MYO15B: variants seen among roughly 807,000 people sequenced by gnomAD.
MYO15B encodes the protein myosin XVB pseudogene.
Under a neutral mutation model 119.3 loss-of-function variants are expected in MYO15B, and 207 were observed. The ratio of observed to expected loss-of-function variants is 1.73; its 90% CI spans 1.55 to 1.95. The LOEUF is 1.95. MYO15B is among the 30% of genes most tolerant of loss of function. The pLI is 0.00. For missense variants in MYO15B, 2,264 were observed against 1,203.1 expected, an observed-to-expected ratio of 1.88 and a Z score of -13.04; for synonymous variants, 966 against 498.9, an observed-to-expected ratio of 1.94 and a Z score of -12.48.
rs371730501 is a variant in MYO15B, at chr17:75,591,471, ATCTT to A, written c.2436-127_2436-124del. ...TCGGGTCTCTCCATGCCCTGGGACT[ATCTT>A]TCCACATTTATGGGGGTCTCTCCAG... On this transcript the variant is annotated intron_variant, in intron 4 of 63. Transcript: ENST00000645453. The A allele has an allele frequency of 1.1e-3, 720 of 646,484 alleles. 12 individuals are homozygous for A. The East Asian group carries it at 0.015, about 13-fold the overall frequency. The allele number at this position is 646,484 out of a possible 1,614,324, so 40.0% of individuals were successfully genotyped here.
exon 40 of MYO15B, chr17:75,616,940 C>G: frequency 2.8e-6 from 2 of 702,940 alleles, no homozygotes; most frequent in Middle Eastern, 2.3e-4. Flanking sequence ...TGGGTATCAA[C>G]GGTGCCCACT....
intron 9 of MYO15B, 80 bp downstream of exon 9, chr17:75,592,920 G>C (rs1233409281): frequency 4.6e-6 from 3 of 653,148 alleles, no homozygotes; most frequent in Non-Finnish European, 8.4e-6. Context: ...CCAAATGCTG[G>C]TGTGTAGGAG....
At chr17:75,614,504 C>T in intron 30 of MYO15B, 79 bp from the exon 31 acceptor site, 1 of 679,020 alleles carries the variant, frequency 1.5e-6, no homozygotes. Flanking sequence ...GTGACCCCCG[C>T]AGCAGCTTCT....
At chr17:75,595,090 C>T (rs1461402130) in intron 12 of MYO15B, 118 bp downstream of exon 12, 10 of 629,496 alleles carry the variant, frequency 1.6e-5, no homozygotes, top group Non-Finnish European at 5.7e-6. Context: ...GTCTGTCTGG[C>T]AGGGCGCTTT....
intron 14 of MYO15B, among the ~76,000 whole-genome samples, chr17:75,599,365 C>T (rs1054998596): frequency 4.6e-5 from 7 of 151,962 alleles, no homozygotes; most frequent in African/African-American, 1.5e-4. Context: ...AGCTCCGCCT[C>T]GCGGGTTGAC....
chr17:75,614,741 G>T, intron 31 of MYO15B, 32 bp from the exon 32 acceptor site: 1 of 702,736 alleles, frequency 1.4e-6, no homozygotes, highest in Non-Finnish European at 2.6e-6. Context: ...CACGCCCCGG[G>T]CCATGGCTCC....
At chr17:75,611,058 C>G (rs1270029588) in intron 23 of MYO15B, 99 bp downstream of exon 23, 10 of 694,664 alleles carry the variant, frequency 1.4e-5, no homozygotes, top group Non-Finnish European at 2.6e-5. Context: ...TGGGTCTTGT[C>G]CCTCAGGGCC....
chr17:75,611,047 G>T, intron 23 of MYO15B, 88 bp downstream of exon 23: 1 of 699,744 alleles, frequency 1.4e-6, no homozygotes, highest in Non-Finnish European at 2.6e-6. Context: ...GGGTGCTACC[G>T]TGGGTCTTGT....
chr17:75,607,431 A>ATTATT lies in MYO15B; in HGVS notation c.4292+1410_4292+1411insTTATT, dbSNP rs1268339044. 1.7e-3 allele frequency among the ~76,000 whole-genome samples: 234 copies of ATTATT among 140,470 alleles called. 1 individual carries two copies. The highest frequency in any genetic ancestry group is 5.7e-3 in the African/African-American group (211 of 37,320). The allele number at this position is 140,470 out of a possible 152,430, so 92.2% of individuals were successfully genotyped here. A position where few individuals can be genotyped will look rare whatever the true frequency, so the allele number is the denominator to read the frequency against. On this transcript the variant is annotated intron_variant, in intron 21 of 63. Coordinates refer to ENST00000645453, the Ensembl canonical transcript of MYO15B. ...GTTCCAGGCTTGAGGGTTAATAATT[A>ATTATT]ATTATTATTATTATTATTATTATTA...
At chr17:75,599,069 A>G (rs1303167474) in intron 14 of MYO15B, among the ~76,000 whole-genome samples, 2 of 152,114 alleles carry the variant, frequency 1.3e-5, no homozygotes, top group Non-Finnish European at 2.9e-5. Context: ...TTATTTTTAT[A>G]TTTTAAAAAA....
At position 75,614,951 on chromosome 17, in the gene MYO15B, G is replaced by A. The variant is rs1345333990; in HGVS notation, c.5560-10G>A. ...GCTCTCACTCTGACCTGTGACCATT[G>A]TCCCTTTAGGATCTGGAACAAAGCT... On this transcript the variant is annotated splice_polypyrimidine_tract_variant and intron_variant, in intron 32 of 63. Transcript: ENST00000645453. The A allele has an allele frequency of 8.5e-6, 6 of 702,928 alleles. No individual in the cohort carries two copies. The highest frequency in any genetic ancestry group is 8.0e-5 in the Admixed American group (4 of 50,002). The allele number at this position is 702,928 out of a possible 1,614,324, so 43.5% of individuals were successfully genotyped here. A position where few individuals can be genotyped will look rare whatever the true frequency, so the allele number is the denominator to read the frequency against.
At chr17:75,622,080 G>A in exon 53 of MYO15B, 1 of 703,010 alleles carries the variant, frequency 1.4e-6, no homozygotes, top group Non-Finnish European at 2.6e-6. Context: ...AACTGCTGAA[G>A]GTAAGCCTGG....
chr17:75,614,437 G>T, intron 30 of MYO15B, 77 bp downstream of exon 30: 1 of 676,730 alleles, frequency 1.5e-6, no homozygotes. Flanking sequence ...ACACTCAGGG[G>T]TTTATAGGAG....
rs749142036 is a variant in MYO15B at position 75,615,932 on chromosome 17, G to T, written c.6030+48G>T. ...AGGAAGGGATGTGAGGGTGGGGACT[G>T]CAGGGGCAGGGGACATGGGCAGGGT... On this transcript the variant is annotated intron_variant, in intron 36 of 63. Transcript: ENST00000645453. 10 of 618,364 alleles carry T rather than the reference G, an allele frequency of 1.6e-5. 1 individual carries two copies. Among genetic ancestry groups the T allele is most frequent in the Non-Finnish European group, 2.6e-5 (9 of 343,590 alleles). 38.3% of individuals were successfully genotyped at this position (618,364 alleles called of 1,614,324 possible). A position where few individuals can be genotyped will look rare whatever the true frequency, so the allele number is the denominator to read the frequency against.
At chr17:75,594,415 G>T in intron 9 of MYO15B, 60 bp from the exon 10 acceptor site, 1 of 577,318 alleles carries the variant, frequency 1.7e-6, no homozygotes, top group Non-Finnish European at 3.1e-6. Flanking sequence ...GGCCTGCCCT[G>T]CCTGGGGAGT....
In MYO15B at chr17:75,624,845, AGCCGGCG is replaced by A. The variant is rs2058932156; in HGVS notation, c.8620_8626del (p.Arg2874SerfsTer64). On this transcript the variant is annotated frameshift_variant, in exon 59 of 64. Transcript: ENST00000645453. LOFTEE classifies it high-confidence loss of function. Reference sequence around the variant, plus strand: ...AGTGGACCAGGACGTGAGCCTGCACAGCCGGCGGCTCCACTGGGAGACCCCACTGCAC... The same window carrying A: ...AGTGGACCAGGACGTGAGCCTGCACAGCTCCACTGGGAGACCCCACTGCAC... 1.4e-6 allele frequency: 1 copy of A among 703,006 alleles called. No homozygotes were observed. The highest frequency in any genetic ancestry group is 2.0e-5 in the Admixed American group (1 of 50,014). 43.5% of individuals were successfully genotyped at this position (703,006 alleles called of 1,614,324 possible). A position where few individuals can be genotyped will look rare whatever the true frequency, so the allele number is the denominator to read the frequency against.
intron 20 of MYO15B, 93 bp from the exon 21 acceptor site, chr17:75,605,771 G>T: frequency 3.1e-6 from 2 of 648,696 alleles, no homozygotes; most frequent in Non-Finnish European, 5.6e-6. Context: ...AGAACAAATG[G>T]TTTGGCTGGA....
At chr17:75,605,977 C>T (rs1339071164) in exon 21 of MYO15B, 7 of 702,318 alleles carry the variant, frequency 1.0e-5, no homozygotes, top group East Asian at 2.7e-5. Flanking sequence ...CCCGCCAGCG[C>T]GTCCTGCCCC....
At chr17:75,594,808 C>G in intron 11 of MYO15B, 32 bp from the exon 12 acceptor site, 3 of 702,812 alleles carry the variant, frequency 4.3e-6, no homozygotes, top group African/African-American at 3.5e-5. Flanking sequence ...AGGCACGGCT[C>G]TATGTGGCTC....
Sources: gnomAD v4.1 joint callset for allele counts (sites outside exome capture counted in the v4.1 genomes callset) on GRCh38, gnomAD v4.1.1 for gene constraint, MANE v1.5 for transcripts, NCBI Gene and HGNC (gene_info 2026-07-23, HGNC 2026-07-21) for gene names.